The following TCF12 variants were observed in gnomAD, a reference collection of about 807,000 sequenced individuals.
TCF12 encodes the protein transcription factor 12.
In TCF12, 45 loss-of-function variants were observed where a neutral mutation model predicts 86.0. The ratio of observed to expected loss-of-function variants is 0.52; its 90% CI spans 0.41 to 0.67. The LOEUF is 0.67. Ranked by LOEUF, TCF12 falls within the 30% of genes least tolerant of loss-of-function variation. The probability of loss-of-function intolerance (pLI) is 0.00; values close to 1 mark genes in which losing one functional copy is unlikely to be tolerated. For synonymous variants in TCF12, 330 were observed against 299.6 expected (o/e 1.10, Z -1.05); for missense variants, 881 against 859.9 (o/e 1.02, Z -0.31).
In TCF12 at chr15:57,263,144, A is replaced by G; in HGVS notation, c.1615A>G (p.Thr539Ala). 1.2e-6 allele frequency: 2 copies of G among 1,612,050 alleles called. No homozygotes were observed. The highest frequency in any genetic ancestry group is 2.2e-5 in the South Asian group (2 of 90,410). ...GLQSQSGTVVTTEIKTENKEK... is the reference protein window; with the variant it reads ...GLQSQSGTVVATEIKTENKEK... ...GCAAAGTCAGTCTGGAACTGTTGTT[A>G]CAACAGAAATCAAGACTGAAAACAA... is the stretch of plus-strand genomic sequence containing the variant. The change falls in exon 18 of 21, where the codon ACA becomes GCA. Residue 539 changes from threonine (T) to alanine (A), a missense_variant. Coordinates refer to ENST00000333725, the MANE Select transcript of TCF12 (RefSeq NM_207037.2).
At chr15:57,028,172 T>A (rs1188107741) in intron 3 of TCF12, among the ~76,000 whole-genome samples, 1 of 152,160 alleles carries the variant, frequency 6.6e-6, no homozygotes, top group Non-Finnish European at 1.5e-5. Context: ...TTCGCCATGT[T>A]GGGCAGGCTG....
At chr15:57,005,315 A>G (rs12901270) in intron 3 of TCF12, among the ~76,000 whole-genome samples, 1 of 152,086 alleles carries the variant, frequency 6.6e-6, no homozygotes. Flanking sequence ...GAAGAATTCT[A>G]GTATTGCATA....
intron 3 of TCF12, among the ~76,000 whole-genome samples, chr15:56,948,788 G>A (rs1007886557): frequency 1.4e-4 from 21 of 152,118 alleles, no homozygotes; most frequent in African/African-American, 5.1e-4. Context: ...TTCACCTTCC[G>A]ACATCTTCCA....
At chr15:57,096,155 G>A (rs966013572) in intron 5 of TCF12, among the ~76,000 whole-genome samples, 7 of 152,098 alleles carry the variant, frequency 4.6e-5, no homozygotes, top group Admixed American at 2.0e-4. Flanking sequence ...GATGACCGTG[G>A]AAAAACGGTT....
intron 5 of TCF12, among the ~76,000 whole-genome samples, chr15:57,142,651 A>C (rs1401501220): frequency 6.6e-5 from 10 of 152,234 alleles, no homozygotes; most frequent in African/African-American, 2.4e-4. Context: ...ACCTAGTCTC[A>C]AAATACCTTC....
chr15:57,178,029 C>G (rs2615250), intron 6 of TCF12, among the ~76,000 whole-genome samples: 6 of 152,244 alleles, frequency 3.9e-5, no homozygotes, highest in South Asian at 4.1e-4. Context: ...TCCGTTTATT[C>G]TTTCGTAAAC....
At chr15:57,001,920 T>A (rs1375732759) in intron 3 of TCF12, among the ~76,000 whole-genome samples, 1 of 152,148 alleles carries the variant, frequency 6.6e-6, no homozygotes, top group African/African-American at 2.4e-5. Context: ...ATATGGAAGG[T>A]GTTACAACAA....
At chr15:57,064,661 G>C (rs533045661) in intron 4 of TCF12, among the ~76,000 whole-genome samples, 1 of 151,552 alleles carries the variant, frequency 6.6e-6, no homozygotes, top group Non-Finnish European at 1.5e-5. Context: ...CAAGGCGTGG[G>C]GGTGGGCATC....
At chr15:57,017,461 T>C (rs1249987126) in intron 3 of TCF12, among the ~76,000 whole-genome samples, 1 of 152,216 alleles carries the variant, frequency 6.6e-6, no homozygotes, top group Non-Finnish European at 1.5e-5. Context: ...CAAGGCACAA[T>C]TGGGTAGTTG....
At chr15:57,094,773 A>G (rs1295168343) in intron 5 of TCF12, among the ~76,000 whole-genome samples, 1 of 152,164 alleles carries the variant, frequency 6.6e-6, no homozygotes, top group Non-Finnish European at 1.5e-5. Flanking sequence ...CAACATATAA[A>G]AACACCATTA....
At chr15:56,948,757 A>G (rs774217084) in intron 3 of TCF12, among the ~76,000 whole-genome samples, 3 of 152,244 alleles carry the variant, frequency 2.0e-5, no homozygotes, top group Non-Finnish European at 4.4e-5. Context: ...ATCAAAATGT[A>G]TTGCAAGCAT....
At chr15:56,923,625 A>G (rs1368247890) in intron 3 of TCF12, among the ~76,000 whole-genome samples, 1 of 152,152 alleles carries the variant, frequency 6.6e-6, no homozygotes, top group African/African-American at 2.4e-5. Context: ...AAAGTTGGTT[A>G]AAAGGATTGA....
intron 8 of TCF12, chr15:57,219,441 A>T: frequency 6.6e-7 from 1 of 1,525,652 alleles, no homozygotes; most frequent in Non-Finnish European, 8.9e-7. Flanking sequence ...CTGAAGACTT[A>T]CTCCCTTTGC....
At chr15:57,007,804 TTCTTTC>T (rs2064512201) in intron 3 of TCF12, among the ~76,000 whole-genome samples, 1 of 131,820 alleles carries the variant, frequency 7.6e-6, no homozygotes, top group Non-Finnish European at 1.7e-5. Flanking sequence ...CTTTCTTTCT[TTCTTTC>T]TTTCTTTCTT....
intron 5 of TCF12, among the ~76,000 whole-genome samples, chr15:57,100,319 G>A (rs2049639079): frequency 6.6e-6 from 1 of 152,078 alleles, no homozygotes; most frequent in African/African-American, 2.4e-5. Context: ...GCACACCATA[G>A]CACGCAGTTG....
chr15:57,189,457 T>C (rs1203837149), intron 6 of TCF12, among the ~76,000 whole-genome samples: 2 of 152,166 alleles, frequency 1.3e-5, no homozygotes, highest in Middle Eastern at 3.2e-3. Flanking sequence ...CAAGGAGATA[T>C]TCTAGTGTAC....
intron 4 of TCF12, among the ~76,000 whole-genome samples, chr15:57,080,277 G>A (rs2070511738): frequency 6.6e-6 from 1 of 152,078 alleles, no homozygotes; most frequent in African/African-American, 2.4e-5. Flanking sequence ...TTTTTCAAAG[G>A]GAGTTCCAGC....
At chr15:57,054,115 T>C (rs1370437912) in intron 3 of TCF12, among the ~76,000 whole-genome samples, 4 of 152,038 alleles carry the variant, frequency 2.6e-5, no homozygotes, top group Non-Finnish European at 5.9e-5. Flanking sequence ...GAAAGGAAAA[T>C]TTTTAGAGTT....
At chr15:57,059,344 G>A (rs1482059267) in intron 3 of TCF12, among the ~76,000 whole-genome samples, 1 of 152,116 alleles carries the variant, frequency 6.6e-6, no homozygotes, top group East Asian at 1.9e-4. Flanking sequence ...TAGCAGTATG[G>A]CCAGATTGAA....
Sources: allele counts gnomAD v4.1 joint callset (sites outside exome capture counted in the v4.1 genomes callset), GRCh38; gene constraint gnomAD v4.1.1; transcripts MANE v1.5; gene names NCBI Gene and HGNC (gene_info 2026-07-23, HGNC 2026-07-21).